The following GRIA1 variants were observed in gnomAD, a reference collection of about 807,000 sequenced individuals.
GRIA1 encodes glutamate receptor 1.
Under a neutral mutation model 99.2 loss-of-function variants are expected in GRIA1, and 31 were observed. That is an observed-to-expected ratio of 0.31 (90% CI 0.23 to 0.42). The LOEUF is 0.42. Among genes scored for constraint, GRIA1 ranks in the 10% least tolerant of loss-of-function variants. GRIA1 has a pLI of 1.00. For synonymous variants in GRIA1, 438 were observed against 432.4 expected, an observed-to-expected ratio of 1.01 and a Z score of -0.16; for missense variants, 782 against 1,157.5, an observed-to-expected ratio of 0.68 and a Z score of 4.71.
At chr5:153,650,309 T>C (rs1257077819) in intron 3 of GRIA1, 21 bp from the exon 4 acceptor site, 1 of 1,607,428 alleles carries the variant, frequency 6.2e-7, no homozygotes, top group Non-Finnish European at 8.5e-7. Flanking sequence ...GTCATTTCTC[T>C]TCTACTCATC....
intron 14 of GRIA1, among the ~76,000 whole-genome samples, chr5:153,797,437 T>TA (rs1350407823): frequency 2.0e-5 from 3 of 152,210 alleles, no homozygotes; most frequent in African/African-American, 4.8e-5. Flanking sequence ...GTGTTTCTTT[T>TA]AAAACTCTCT....
chr5:153,555,590 A>T (rs1760563496), intron 2 of GRIA1, among the ~76,000 whole-genome samples: 1 of 152,012 alleles, frequency 6.6e-6, no homozygotes, highest in Non-Finnish European at 1.5e-5. Flanking sequence ...CAACGCAAAG[A>T]CCAGGGCCTC....
intron 2 of GRIA1, among the ~76,000 whole-genome samples, chr5:153,621,963 G>C (rs935692244): frequency 1.3e-5 from 2 of 152,078 alleles, no homozygotes; most frequent in African/African-American, 4.8e-5. Context: ...GATTCAAATG[G>C]AGATCATCAC....
At chr5:153,651,332 A>G (rs896127218) in intron 4 of GRIA1, among the ~76,000 whole-genome samples, 1 of 152,156 alleles carries the variant, frequency 6.6e-6, no homozygotes, top group African/African-American at 2.4e-5. Flanking sequence ...AATTGACAGT[A>G]CATTCTTCTA....
At chr5:153,622,704 A>G (rs1767174299) in intron 2 of GRIA1, among the ~76,000 whole-genome samples, 1 of 152,204 alleles carries the variant, frequency 6.6e-6, no homozygotes, top group South Asian at 2.1e-4. Context: ...CACTACCACT[A>G]TTTTAAGTGA....
chr5:153,682,022 G>A (rs1443172767), intron 7 of GRIA1, among the ~76,000 whole-genome samples: 1 of 148,902 alleles, frequency 6.7e-6, no homozygotes, highest in Non-Finnish European at 1.5e-5. Context: ...CTGGGTGACA[G>A]TGTGAGACTA....
chr5:153,500,293 C>T (rs140414735), intron 2 of GRIA1, among the ~76,000 whole-genome samples: 4 of 152,148 alleles, frequency 2.6e-5, no homozygotes, highest in East Asian at 1.9e-4. Context: ...TTCATTCATC[C>T]GAAACCCTTT....
At chr5:153,689,099 G>C (rs530838809) in intron 8 of GRIA1, among the ~76,000 whole-genome samples, 2 of 151,610 alleles carry the variant, frequency 1.3e-5, no homozygotes, top group South Asian at 2.1e-4. Flanking sequence ...TACTATCATA[G>C]CTCACTATAA....
intron 5 of GRIA1, among the ~76,000 whole-genome samples, chr5:153,659,404 G>T (rs925959790): frequency 1.3e-5 from 2 of 152,122 alleles, no homozygotes; most frequent in African/African-American, 2.4e-5. Flanking sequence ...TCACAGATGT[G>T]CCTGGGTCCT....
At chr5:153,656,283 A>G (rs918663250) in intron 5 of GRIA1, among the ~76,000 whole-genome samples, 7 of 151,602 alleles carry the variant, frequency 4.6e-5, no homozygotes, top group Non-Finnish European at 8.8e-5. Flanking sequence ...TAATTACACT[A>G]GTATTGACAA....
At chr5:153,626,272 G>T (rs922952507) in intron 2 of GRIA1, among the ~76,000 whole-genome samples, 1 of 152,224 alleles carries the variant, frequency 6.6e-6, no homozygotes, top group African/African-American at 2.4e-5. Context: ...AGGAGGTAAA[G>T]TGTGGGACAT....
chr5:153,727,915 G>A (rs931302454), intron 11 of GRIA1, among the ~76,000 whole-genome samples: 50 of 151,224 alleles, frequency 3.3e-4, no homozygotes, highest in Non-Finnish European at 3.4e-4. Context: ...AAAAGAGCCC[G>A]CATCGCCAAG....
chr5:153,758,208 G>T (rs146702983), intron 11 of GRIA1, among the ~76,000 whole-genome samples: 143 of 152,080 alleles, frequency 9.4e-4, no homozygotes, highest in African/African-American at 3.2e-3. Flanking sequence ...AGCCCTGACT[G>T]AATTACCTGA....
chr5:153,524,319 C>A (rs1420749161), intron 2 of GRIA1, among the ~76,000 whole-genome samples: 5 of 152,078 alleles, frequency 3.3e-5, no homozygotes, highest in African/African-American at 1.2e-4. Flanking sequence ...GAGTGAGACT[C>A]AGTTTAAAAA....
chr5:153,681,957 G>A (rs149001875), intron 7 of GRIA1, among the ~76,000 whole-genome samples: 7,256 of 151,894 alleles, frequency 0.048, 213 homozygotes, highest in Middle Eastern at 0.12. Context: ...TCACTTGAAC[G>A]CAGGAGGCAG....
Position 153,490,736 on chromosome 5 carries a change from C to T in GRIA1, c.-153C>T. On this transcript the variant is annotated 5_prime_UTR_variant, in exon 1 of 16. Coordinates refer to ENST00000285900, the MANE Select transcript of GRIA1 (RefSeq NM_000827.4). ...GTGTTCGGATTCCAAGGGAAACAGA[C>T]AAACCTCACGAAAGGAAGGAAGCAA... 1 of 722,022 alleles carries T rather than the reference C, an allele frequency of 1.4e-6. No homozygotes were observed. Among genetic ancestry groups the T allele is most frequent in the Non-Finnish European group, 2.5e-6 (1 of 393,742 alleles). 44.7% of individuals were successfully genotyped at this position (722,022 alleles called of 1,614,324 possible).
chr5:153,739,533 G>A (rs1185472789), intron 11 of GRIA1, among the ~76,000 whole-genome samples: 1 of 152,166 alleles, frequency 6.6e-6, no homozygotes. Context: ...CTGCGCCAGG[G>A]TTCAGCTTTT....
intron 10 of GRIA1, among the ~76,000 whole-genome samples, chr5:153,703,246 A>C (rs926603163): frequency 6.6e-6 from 1 of 152,072 alleles, no homozygotes; most frequent in Admixed American, 6.5e-5. Flanking sequence ...AAGATGAATG[A>C]CCCATGGCCA....
chr5:153,639,005 G>A (rs1308464979), intron 2 of GRIA1, among the ~76,000 whole-genome samples: 1 of 152,202 alleles, frequency 6.6e-6, no homozygotes, highest in Non-Finnish European at 1.5e-5. Context: ...GCCTACGGCC[G>A]AGAAACAACT....
Sources: allele counts gnomAD v4.1 joint callset (sites outside exome capture counted in the v4.1 genomes callset), GRCh38; gene constraint gnomAD v4.1.1; transcripts MANE v1.5; gene names NCBI Gene and HGNC (gene_info 2026-07-23, HGNC 2026-07-21).